Variants in PLSCR2 observed in about 807,000 individuals in gnomAD.
PLSCR2 encodes the protein phospholipid scramblase 2.
A neutral mutation model predicts 25.3 loss-of-function variants in PLSCR2; 18 were observed. The ratio of observed to expected loss-of-function variants is 0.71; its 90% confidence interval spans 0.49 to 1.06. The LOEUF (loss-of-function observed/expected upper bound fraction) is 1.06. PLSCR2 is among the 50% of genes least tolerant of loss of function. The pLI is 0.00. For synonymous variants in PLSCR2, 88 were observed against 87.3 expected, an observed-to-expected ratio of 1.01 and a Z score of -0.04; for missense variants, 243 against 269.5, an observed-to-expected ratio of 0.90 and a Z score of 0.69.
At chr3:146,465,107 A>C (rs1176599376), upstream of PLSCR2, among the ~76,000 whole-genome samples, 1 of 152,194 alleles carries the variant, frequency 6.6e-6, no homozygotes, top group Non-Finnish European at 1.5e-5. Context: ...ATAATAAAGA[A>C]GTTCCCACTA....
chr3:146,495,805 C>T (rs746995530), intron 1 of PLSCR2: 38 of 986,452 alleles, frequency 3.9e-5, no homozygotes, highest in Non-Finnish European at 5.6e-5. Context: ...TGAATAGGAA[C>T]ATATGCATAA....
chr3:146,444,632 T>C (rs2040439319), intron 6 of PLSCR2, among the ~76,000 whole-genome samples: 1 of 151,984 alleles, frequency 6.6e-6, no homozygotes, highest in Non-Finnish European at 1.5e-5. Flanking sequence ...ATTTTCAGTC[T>C]ATGCGTGTCT....
At chr3:146,394,532 C>G (rs1036850481) in intron 3 of PLSCR2, among the ~76,000 whole-genome samples, 2 of 152,176 alleles carry the variant, frequency 1.3e-5, no homozygotes, top group Non-Finnish European at 2.9e-5. Context: ...TCCCAAAGTG[C>G]TGGGATTAAA....
At chr3:146,451,347 T>TCAGGTGATCCGCCCGCCTC in intron 5 of PLSCR2, among the ~76,000 whole-genome samples, 1 of 151,972 alleles carries the variant, frequency 6.6e-6, no homozygotes, top group South Asian at 2.1e-4. Flanking sequence ...AATCCTGACT[T>TCAGGTGATCCGCCCGCCTC]CAGGTGATCC....
Position 146,471,859 on chromosome 3 carries a change from C to T in PLSCR2, c.-292-11575G>A, listed in dbSNP as rs901305595. ...GATTGCAGGCGTGAGCCACCATGCC[C>T]GGCCAAGATACAATTCTTTTGCCTA... On this transcript the variant is annotated intron_variant, in intron 1 of 8. Transcript: ENST00000336685. 7.2e-5 allele frequency among the ~76,000 whole-genome samples: 11 copies of T among 152,102 alleles called. No homozygotes were observed. In the East Asian group the frequency reaches 1.9e-3, roughly 27 times the overall value.
intron 1 of PLSCR2, among the ~76,000 whole-genome samples, chr3:146,494,167 G>T (rs533485563): frequency 1.3e-5 from 2 of 152,020 alleles, no homozygotes; most frequent in African/African-American, 2.4e-5. Flanking sequence ...ATTTTTACCT[G>T]GGTTCTGACT....
intron 2 of PLSCR2, chr3:146,395,931 A>G (rs1576550584): frequency 6.1e-6 from 2 of 329,650 alleles, no homozygotes; most frequent in Non-Finnish European, 1.2e-5. Flanking sequence ...ACTAAAATGG[A>G]AAAATATATA....
At chr3:146,485,932 C>G (rs1005577392) in intron 1 of PLSCR2, among the ~76,000 whole-genome samples, 9 of 151,934 alleles carry the variant, frequency 5.9e-5, no homozygotes, top group African/African-American at 1.9e-4. Flanking sequence ...CTTGTGAGAC[C>G]CATTCACTAT....
At chr3:146,393,776 T>C (rs2038176402) in intron 3 of PLSCR2, among the ~76,000 whole-genome samples, 1 of 144,164 alleles carries the variant, frequency 6.9e-6, no homozygotes, top group South Asian at 2.3e-4. Flanking sequence ...GCCACTGCAC[T>C]GCACTCCAGC....
chr3:146,410,503 C>T (rs550394153), intron 2 of PLSCR2, among the ~76,000 whole-genome samples: 280 of 152,306 alleles, frequency 1.8e-3, no homozygotes, highest in African/African-American at 6.3e-3. Context: ...TTTTCACACT[C>T]GTTCTTGTAA....
chr3:146,468,949 T>C (rs546504190), intron 1 of PLSCR2, among the ~76,000 whole-genome samples: 8 of 152,274 alleles, frequency 5.3e-5, no homozygotes, highest in South Asian at 2.1e-4. Context: ...AGTCCACAGA[T>C]GTGAAGCAGT....
chr3:146,495,033 C>T (rs974287148), intron 1 of PLSCR2: 6 of 152,030 alleles, frequency 3.9e-5, no homozygotes, highest in Non-Finnish European at 7.4e-5. Flanking sequence ...TCCAGGTATC[C>T]TAAAGAAGAG....
intron 1 of PLSCR2, among the ~76,000 whole-genome samples, chr3:146,471,355 A>T (rs1242351843): frequency 6.6e-6 from 1 of 152,164 alleles, no homozygotes; most frequent in East Asian, 1.9e-4. Context: ...GTGAATGGCA[A>T]GCATTATCTT....
At chr3:146,456,053 T>G (rs2041199791) in intron 3 of PLSCR2, among the ~76,000 whole-genome samples, 1 of 152,030 alleles carries the variant, frequency 6.6e-6, no homozygotes, top group African/African-American at 2.4e-5. Context: ...CAGCAGTAAT[T>G]TGAAAGTAAG....
In PLSCR2 at chr3:146,396,310, TTCC is replaced by T. The variant is rs147701951; in HGVS notation, c.101-392_101-390del. ...TTTATTTTCTGGTTCCCTTTACTTT[TTCC>T]TCATTTTTTTTTCTCTCTGTTACTT... On this transcript the variant is annotated intron_variant and NMD_transcript_variant, in intron 2 of 3. Coordinates refer to the PLSCR2 transcript ENST00000463633. Among the ~76,000 whole-genome samples, 482 of 152,272 alleles carry T rather than the reference TTCC, an allele frequency of 3.2e-3. 4 individuals carry two copies. Among genetic ancestry groups the T allele is most frequent in the African/African-American group, 0.011 (460 of 41,554 alleles).
intron 1 of PLSCR2, among the ~76,000 whole-genome samples, chr3:146,476,873 TA>T (rs1282161155): frequency 1.3e-5 from 2 of 152,214 alleles, no homozygotes; most frequent in Non-Finnish European, 2.9e-5. Context: ...CCTGAGCCCC[TA>T]GGGGGAAGGA....
chr3:146,398,953 G>A (rs1255512834), intron 2 of PLSCR2: 3 of 151,994 alleles, frequency 2.0e-5, no homozygotes, highest in African/African-American at 7.2e-5. Flanking sequence ...GTATTTAAGG[G>A]ATGCTTCATG....
upstream of PLSCR2, among the ~76,000 whole-genome samples, chr3:146,462,307 G>GAC (rs2041627573): frequency 1.3e-5 from 2 of 151,940 alleles, no homozygotes; most frequent in Admixed American, 1.3e-4. Context: ...GCCCAGGCTG[G>GAC]TCTCAAACTC....
intron 2 of PLSCR2, among the ~76,000 whole-genome samples, chr3:146,424,363 C>T (rs1156278089): frequency 6.6e-6 from 1 of 152,056 alleles, no homozygotes; most frequent in Admixed American, 6.6e-5. Context: ...CTTATAGGCT[C>T]CATCTCCAAA....
Sources: allele counts gnomAD v4.1 joint callset (sites outside exome capture counted in the v4.1 genomes callset), GRCh38; gene constraint gnomAD v4.1.1; transcripts MANE v1.5; gene names NCBI Gene and HGNC (gene_info 2026-07-23, HGNC 2026-07-21).